GRPEL1: variants seen among roughly 807,000 people sequenced by gnomAD.
The protein encoded by GRPEL1 is GrpE like 1, mitochondrial.
Under a neutral mutation model 22.1 loss-of-function variants are expected in GRPEL1, and 13 were observed. That is an observed-to-expected ratio of 0.59 (90% CI 0.38 to 0.94). The LOEUF is 0.94. GRPEL1 is among the 40% of genes least tolerant of loss of function. The pLI is 0.00. For missense variants in GRPEL1, 289 were observed against 264.6 expected, an observed-to-expected ratio of 1.09 and a Z score of -0.64; for synonymous variants, 109 against 105.3, an observed-to-expected ratio of 1.03 and a Z score of -0.21.
At position 7,064,038 on chromosome 4, in the gene GRPEL1, C is replaced by CA. The variant is rs1349797016; in HGVS notation, c.225+22dup. 4 of 1,608,280 alleles carry CA rather than the reference C, an allele frequency of 2.5e-6. No individual in the cohort carries two copies. The Admixed American group carries it at 6.7e-5, about 27-fold the overall frequency. ...GAAACAGTTCAGCCGAGCCCGCCCCCACAGGAGCCTCACAGTCCTCACCAC... is the reference window on the plus strand; with the variant it reads ...GAAACAGTTCAGCCGAGCCCGCCCCCAACAGGAGCCTCACAGTCCTCACCAC... On this transcript the variant is annotated intron_variant, in intron 2 of 3. Coordinates refer to ENST00000264954, the MANE Select transcript of GRPEL1 (RefSeq NM_025196.4).
At chr4:7,062,540 C>T in intron 2 of GRPEL1, 74 bp from the exon 3 acceptor site, 1 of 374,396 alleles carries the variant, frequency 2.7e-6, no homozygotes, top group Non-Finnish European at 4.1e-6. Context: ...CGGAATCTTG[C>T]TCTGTATGTC....
Position 7,060,867 on chromosome 4 carries a change from C to G in GRPEL1, c.649G>C (p.Ala217Pro). The G allele has an allele frequency of 6.2e-7, 1 of 1,609,100 alleles. No homozygotes were observed. Among genetic ancestry groups the G allele is most frequent in the African/African-American group, 1.3e-5 (1 of 74,922 alleles). ...RPALVGVVKE[A>P] ...ACCCACCCCATCAACAGCAGCTAAGCTTCCTTCACCACCCCCACCAGGGCG... is the reference window on the plus strand; with the variant it reads ...ACCCACCCCATCAACAGCAGCTAAGGTTCCTTCACCACCCCCACCAGGGCG... The change falls in exon 4 of 4, where the codon GCT (alanine) becomes CCT (proline). Residue 217 changes from alanine to proline, a missense_variant. By Grantham distance (27) the Ala-to-Pro change is conservative. Coordinates refer to ENST00000264954, the MANE Select transcript of GRPEL1 (RefSeq NM_025196.4).
chr4:7,060,395 T>A lies in GRPEL1; in HGVS notation c.*467A>T, dbSNP rs960832442. On this transcript the variant is annotated 3_prime_UTR_variant, in exon 4 of 4. Transcript: ENST00000264954. ...TGTTCTTCACAAAGATCATTTTTTT[T>A]AAGTAAGAAAAATGTTTCAACTCTC... 1.3e-5 allele frequency: 2 copies of A among 156,518 alleles called. No homozygotes were observed. The highest frequency in any genetic ancestry group is 4.8e-5 in the African/African-American group (2 of 41,496). The allele number at this position is 156,518 out of a possible 1,614,324, so 9.7% of individuals were successfully genotyped here. A position where few individuals can be genotyped will look rare whatever the true frequency, so the allele number is the denominator to read the frequency against.
At chr4:7,067,872 G>T in intron 1 of GRPEL1, 99 bp downstream of exon 1, 2 of 1,288,970 alleles carry the variant, frequency 1.6e-6, no homozygotes, top group Non-Finnish European at 2.2e-6. Flanking sequence ...CCAGCTCCGG[G>T]GCCGAGGCCG....
At chr4:7,064,577 A>G (rs1724123382) in intron 1 of GRPEL1, among the ~76,000 whole-genome samples, 1 of 151,990 alleles carries the variant, frequency 6.6e-6, no homozygotes, top group African/African-American at 2.4e-5. Context: ...CTGTCACCCA[A>G]ACTGAAGTGC....
In GRPEL1 at chr4:7,066,962, A is replaced by G. The variant is rs144238671; in HGVS notation, c.62+1009T>C. ...ATACAAAACCACCAATTACTTGACC[A>G]AAGTCTTTTTACTCAAGTATTCCAC... On this transcript the variant is annotated intron_variant, in intron 1 of 3. Coordinates refer to ENST00000264954, the MANE Select transcript of GRPEL1 (RefSeq NM_025196.4). 8.4e-3 allele frequency among the ~76,000 whole-genome samples: 1,275 copies of G among 152,372 alleles called. 8 individuals carry two copies. Among genetic ancestry groups the G allele is most frequent in the South Asian group, 0.022 (107 of 4,834 alleles).
rs1309798028 is a variant in GRPEL1 at position 7,060,563 on chromosome 4, T to C, written c.*299A>G. The C allele has an allele frequency of 1.3e-5, 5 of 389,970 alleles. No individual in the cohort carries two copies. Among genetic ancestry groups the C allele is most frequent in the Non-Finnish European group, 2.3e-5 (5 of 216,614 alleles). 24.2% of individuals were successfully genotyped at this position (389,970 alleles called of 1,614,324 possible). On this transcript the variant is annotated 3_prime_UTR_variant, in exon 4 of 4. Coordinates refer to ENST00000264954, the MANE Select transcript of GRPEL1 (RefSeq NM_025196.4). ...CTTTTATTTGTTTAAAATACTTTGGTGTCAGCAGAGTCTGAGCAGACACGT... is the reference window on the plus strand; with the variant it reads ...CTTTTATTTGTTTAAAATACTTTGGCGTCAGCAGAGTCTGAGCAGACACGT...
rs990567444 is a variant in GRPEL1, at chr4:7,060,450, C to T, written c.*412G>A. The T allele has an allele frequency of 1.0e-4, 17 of 167,132 alleles. No homozygotes were observed. The highest frequency in any genetic ancestry group is 1.7e-4 in the East Asian group (1 of 5,750). 10.4% of individuals were successfully genotyped at this position (167,132 alleles called of 1,614,324 possible). ...CTTTCCTTCAGCGAATGAAATGTGA[C>T]GGGCTAAATACGCCAGTCACTCATG... On this transcript the variant is annotated 3_prime_UTR_variant, in exon 4 of 4. Transcript: ENST00000264954.
At chr4:7,061,326 C>T (rs1215798928) in intron 3 of GRPEL1, 118 bp from the exon 4 acceptor site, 1 of 752,954 alleles carries the variant, frequency 1.3e-6, no homozygotes, top group South Asian at 1.8e-5. Context: ...TCAATCGCCT[C>T]AGAATTCCAA....
Position 7,062,508 on chromosome 4 carries a change from ATATATATC to A in GRPEL1, c.226-50_226-43del, listed in dbSNP as rs776880838. Reference sequence around the variant, plus strand: ...GGGATATTTATATATATATATATATATATATATCTTTTTTTTTGAGACGGAATCTTGCT... The same window carrying A: ...GGGATATTTATATATATATATATATATTTTTTTTTGAGACGGAATCTTGCT... On this transcript the variant is annotated intron_variant, in intron 2 of 3. Transcript: ENST00000264954. 7.4e-4 allele frequency: 353 copies of A among 473,884 alleles called. 3 individuals are homozygous for A. Among genetic ancestry groups the A allele is most frequent in the Non-Finnish European group, 8.3e-4 (271 of 327,796 alleles). 29.4% of individuals were successfully genotyped at this position (473,884 alleles called of 1,614,324 possible).
At position 7,065,923 on chromosome 4, in the gene GRPEL1, G is replaced by C. The variant is rs181549023; in HGVS notation, c.63-1700C>G. 3.5e-3 allele frequency among the ~76,000 whole-genome samples: 514 copies of C among 148,730 alleles called. 4 individuals carry two copies. The highest frequency in any genetic ancestry group is 0.012 in the African/African-American group (496 of 40,326). ...GGCTGGAGTGCAGTGGTGCCATCTC[G>C]GCTCACTGCAAGCTCCGCCGCCCGG... On this transcript the variant is annotated intron_variant, in intron 1 of 3. Transcript: ENST00000264954.
At chr4:7,067,468 C>T (rs1460957181) in intron 1 of GRPEL1, 1 of 159,646 alleles carries the variant, frequency 6.3e-6, no homozygotes, top group Admixed American at 6.5e-5. Context: ...CCGAGCACCG[C>T]TGTGGCCCCG....
intron 1 of GRPEL1, chr4:7,067,582 T>C (rs1256019069): frequency 1.1e-5 from 3 of 269,332 alleles, no homozygotes; most frequent in South Asian, 5.3e-5. Flanking sequence ...TCGAGCTTCT[T>C]TGGTCGCTTC....
Position 7,068,051 on chromosome 4 carries a change from CAG to C in GRPEL1, c.-21_-20del, listed in dbSNP as rs1441335555. The C allele has an allele frequency of 1.2e-6, 2 of 1,611,576 alleles. No homozygotes were observed. Among genetic ancestry groups the C allele is most frequent in the African/African-American group, 2.7e-5 (2 of 74,922 alleles). On this transcript the variant is annotated 5_prime_UTR_variant, in exon 1 of 4. Coordinates refer to ENST00000264954, the MANE Select transcript of GRPEL1 (RefSeq NM_025196.4). ...CCGCCATGACTGCCACTGCCCGTCG[CAG>C]TCGCCGCGCACGCACCAAGCGTGCG... is the stretch of plus-strand genomic sequence containing the variant.
intron 1 of GRPEL1, among the ~76,000 whole-genome samples, chr4:7,066,616 T>A (rs1183559959): frequency 2.0e-5 from 3 of 152,252 alleles, no homozygotes; most frequent in African/African-American, 7.2e-5. Flanking sequence ...AGTGTACTGT[T>A]GTGAAGCCCA....
chr4:7,066,482 A>G (rs1724171241), intron 1 of GRPEL1, among the ~76,000 whole-genome samples: 1 of 152,234 alleles, frequency 6.6e-6, no homozygotes. Flanking sequence ...TTAATATCTT[A>G]GATCTGTGGA....
intron 3 of GRPEL1, 108 bp downstream of exon 3, chr4:7,062,276 AC>A (rs11422620): frequency 3.2e-6 from 1 of 310,226 alleles, no homozygotes; most frequent in African/African-American, 2.2e-5. Flanking sequence ...CAACAGCTGG[AC>A]CCCCCACCCC....
At chr4:7,063,143 G>A (rs67665838) in intron 2 of GRPEL1, among the ~76,000 whole-genome samples, 17,017 of 150,152 alleles carry the variant, frequency 0.11, 1,070 homozygotes, top group East Asian at 0.26. Context: ...CATCCAGGTT[G>A]AAGTGGTGTA....
At chr4:7,062,179 A>G in intron 3 of GRPEL1, 2 of 348,216 alleles carry the variant, frequency 5.7e-6, no homozygotes, top group Non-Finnish European at 1.0e-5. Context: ...CCTATTTACA[A>G]TTCTTCATGC....
Sources: allele counts gnomAD v4.1 joint callset (sites outside exome capture counted in the v4.1 genomes callset), GRCh38; gene constraint gnomAD v4.1.1; transcripts MANE v1.5; gene names NCBI Gene and HGNC (gene_info 2026-07-23, HGNC 2026-07-21).